Variants in TRABD2B observed in about 807,000 individuals in gnomAD.
TRABD2B encodes the protein metalloprotease TIKI2.
Under a neutral mutation model 40.1 loss-of-function variants are expected in TRABD2B, and 14 were observed. The observed-to-expected ratio is 0.35, with a 90% CI of 0.23 to 0.55. The LOEUF is 0.55. TRABD2B is among the 20% of genes least tolerant of loss of function. The pLI is 0.90. For synonymous variants in TRABD2B, 263 were observed against 277.0 expected (o/e 0.95, Z 0.50); for missense variants, 541 against 648.6 (o/e 0.83, Z 1.80).
intron 2 of TRABD2B, among the ~76,000 whole-genome samples, chr1:47,977,742 T>C (rs1195007602): frequency 6.7e-6 from 1 of 149,418 alleles, no homozygotes; most frequent in African/African-American, 2.5e-5. Flanking sequence ...CCAGGAGACA[T>C]TGGAGGAGAG....
intron 1 of TRABD2B, among the ~76,000 whole-genome samples, chr1:47,995,433 C>A (rs1317854217): frequency 6.6e-6 from 1 of 152,076 alleles, no homozygotes. Flanking sequence ...AAAATGTATA[C>A]CTGATTTCCA....
chr1:47,822,106 A>G (rs1356016613), intron 2 of TRABD2B, among the ~76,000 whole-genome samples: 2 of 151,866 alleles, frequency 1.3e-5, no homozygotes, highest in Admixed American at 6.6e-5. Flanking sequence ...ATGTACAGAC[A>G]CAAATAGATG....
At position 47,913,206 on chromosome 1, in the gene TRABD2B, G is replaced by A. The variant is rs192548124; in HGVS notation, c.666+80828C>T. Among the ~76,000 whole-genome samples, 149 of 152,120 alleles carry A rather than the reference G, an allele frequency of 9.8e-4. 1 individual carries two copies. Among genetic ancestry groups the A allele is most frequent in the Middle Eastern group, 3.4e-3 (1 of 294 alleles). ...TTAGCCCCAGTTCTTACAGTTCCTC[G>A]TAGCTCCCAGGTTCACTCTCACCAC... On this transcript the variant is annotated intron_variant, in intron 2 of 6. Transcript: ENST00000606738.
At chr1:47,911,108 T>C (rs1644757021) in intron 2 of TRABD2B, among the ~76,000 whole-genome samples, 1 of 152,158 alleles carries the variant, frequency 6.6e-6, no homozygotes, top group Non-Finnish European at 1.5e-5. Context: ...GATTTTTACA[T>C]GGGGGAAAAT....
intron 5 of TRABD2B, among the ~76,000 whole-genome samples, chr1:47,777,829 C>T (rs1644468593): frequency 6.6e-6 from 1 of 152,176 alleles, no homozygotes. Context: ...TGGCCTGGTG[C>T]TGGTGCTGTG....
At chr1:47,899,520 T>C (rs1644569855) in intron 2 of TRABD2B, among the ~76,000 whole-genome samples, 1 of 152,222 alleles carries the variant, frequency 6.6e-6, no homozygotes, top group South Asian at 2.1e-4. Context: ...TGCTGTCTGA[T>C]AAGAGGATAT....
intron 2 of TRABD2B, among the ~76,000 whole-genome samples, chr1:47,982,310 C>A (rs1226492498): frequency 6.6e-6 from 1 of 152,156 alleles, no homozygotes; most frequent in Non-Finnish European, 1.5e-5. Flanking sequence ...TTACTTAAGC[C>A]ACCACAGTTA....
At chr1:47,889,123 G>A (rs1224428760) in intron 2 of TRABD2B, among the ~76,000 whole-genome samples, 1 of 152,186 alleles carries the variant, frequency 6.6e-6, no homozygotes, top group East Asian at 1.9e-4. Context: ...GCCTAACACA[G>A]CCCAGTGCAC....
intron 2 of TRABD2B, among the ~76,000 whole-genome samples, chr1:47,954,552 G>A (rs960685528): frequency 1.3e-5 from 2 of 152,194 alleles, no homozygotes; most frequent in Non-Finnish European, 2.9e-5. Context: ...CTAAAATGGT[G>A]CTTGGGACAG....
chr1:47,890,081 A>T (rs1210076640), intron 2 of TRABD2B, among the ~76,000 whole-genome samples: 2 of 152,228 alleles, frequency 1.3e-5, no homozygotes, highest in Non-Finnish European at 2.9e-5. Flanking sequence ...ACCTGCTGTG[A>T]CAGTCAAAGC....
chr1:47,850,458 G>T (rs752124429), intron 2 of TRABD2B, among the ~76,000 whole-genome samples: 11 of 152,208 alleles, frequency 7.2e-5, no homozygotes, highest in Admixed American at 6.5e-4. Context: ...AAGAGCAGGG[G>T]TCTAAGAATC....
rs948252401 is a variant in TRABD2B at position 47,765,344 on chromosome 1, T to G, written c.*558A>C. ...CAGGGGTTTCACAATAGCAGCATTC[T>G]CTTTCCTAAATTATCTTCCCAGGCC... On this transcript the variant is annotated 3_prime_UTR_variant, in exon 7 of 7. Coordinates refer to ENST00000606738, the MANE Select transcript of TRABD2B (RefSeq NM_001194986.2). 6.5e-6 allele frequency: 1 copy of G among 153,818 alleles called. No homozygotes were observed. The highest frequency in any genetic ancestry group is 6.4e-5 in the Admixed American group (1 of 15,630). The allele number at this position is 153,818 out of a possible 1,614,324, so 9.5% of individuals were successfully genotyped here. A position where few individuals can be genotyped will look rare whatever the true frequency, so the allele number is the denominator to read the frequency against.
At chr1:47,767,138 G>A (rs1454053396) in intron 6 of TRABD2B, among the ~76,000 whole-genome samples, 4 of 152,208 alleles carry the variant, frequency 2.6e-5, no homozygotes, top group African/African-American at 9.7e-5. Context: ...GAGGTCAGGA[G>A]GCTGACAGGA....
chr1:47,911,963 T>C (rs938960215), intron 2 of TRABD2B, among the ~76,000 whole-genome samples: 1 of 152,192 alleles, frequency 6.6e-6, no homozygotes, highest in Non-Finnish European at 1.5e-5. Context: ...ATGGAGTGAA[T>C]GTAATCAGTG....
chr1:47,938,852 T>C (rs1228979048), intron 2 of TRABD2B, among the ~76,000 whole-genome samples: 4 of 152,106 alleles, frequency 2.6e-5, no homozygotes, highest in Non-Finnish European at 5.9e-5. Flanking sequence ...TTTGAGATAG[T>C]TTCTTGGCAG....
In TRABD2B at chr1:47,761,832, C is replaced by G. The variant is rs1644247263; in HGVS notation, c.*4070G>C. 6.6e-6 allele frequency: 1 copy of G among 152,310 alleles called. No homozygotes were observed. The highest frequency in any genetic ancestry group is 1.5e-5 in the Non-Finnish European group (1 of 68,120). The allele number at this position is 152,310 out of a possible 1,614,324, so 9.4% of individuals were successfully genotyped here. A position where few individuals can be genotyped will look rare whatever the true frequency, so the allele number is the denominator to read the frequency against. On this transcript the variant is annotated 3_prime_UTR_variant, in exon 7 of 7. Transcript: ENST00000606738. The stretch of plus-strand genomic sequence containing the variant: ...CCACTGGTGGAACTAAGGTCTGCCT[C>G]TCTCCTTCTTTTCTGCCTTCATTCC...
intron 2 of TRABD2B, among the ~76,000 whole-genome samples, chr1:47,968,648 G>A (rs1367554271): frequency 1.3e-5 from 2 of 152,162 alleles, no homozygotes; most frequent in African/African-American, 2.4e-5. Flanking sequence ...TCCAGCAATG[G>A]TTAGGGTTCA....
At chr1:47,951,634 G>A (rs1645345687) in intron 2 of TRABD2B, among the ~76,000 whole-genome samples, 1 of 152,184 alleles carries the variant, frequency 6.6e-6, no homozygotes, top group Non-Finnish European at 1.5e-5. Flanking sequence ...CATACCCAAG[G>A]TAGAGAGGGT....
chr1:47,807,662 A>G (rs1644910562), intron 2 of TRABD2B, among the ~76,000 whole-genome samples: 2 of 151,842 alleles, frequency 1.3e-5, no homozygotes, highest in Admixed American at 1.3e-4. Context: ...TTCTATCTCA[A>G]ATATCTTTGC....
Sources: allele counts gnomAD v4.1 joint callset (sites outside exome capture counted in the v4.1 genomes callset), GRCh38; gene constraint gnomAD v4.1.1; transcripts MANE v1.5; gene names NCBI Gene and HGNC (gene_info 2026-07-23, HGNC 2026-07-21).